Variants in ANAPC10 observed in about 807,000 individuals in gnomAD.
The protein encoded by ANAPC10 is anaphase-promoting complex subunit 10.
In ANAPC10, 12 loss-of-function variants were observed where a neutral mutation model predicts 22.0. That is an observed-to-expected ratio of 0.55 (90% CI 0.35 to 0.88). The LOEUF (loss-of-function observed/expected upper bound fraction) is 0.88. Among genes scored for constraint, ANAPC10 ranks in the 40% least tolerant of loss-of-function variants. ANAPC10 has a pLI of 0.01. For missense variants in ANAPC10, 188 were observed against 220.9 expected (o/e 0.85, Z 0.94); for synonymous variants, 65 against 69.5 (o/e 0.94, Z 0.32).
Position 145,010,551 on chromosome 4 carries a change from T to C in ANAPC10, c.328-14948A>G, listed in dbSNP as rs773717503. ...ACATGCATGAAGGTGAAAATCATCATTCTGAGCAAACTATCGCAAAGACAG... is the reference window on the plus strand; with the variant it reads ...ACATGCATGAAGGTGAAAATCATCACTCTGAGCAAACTATCGCAAAGACAG... On this transcript the variant is annotated intron_variant, in intron 4 of 4. Coordinates refer to ENST00000507656, the MANE Select transcript of ANAPC10 (RefSeq NM_001256706.2). 2.8e-4 allele frequency among the ~76,000 whole-genome samples: 43 copies of C among 152,250 alleles called. 1 individual carries two copies. The Middle Eastern group carries it at 0.02, about 72-fold the overall frequency.
intron 1 of ANAPC10, chr4:145,097,256 C>T (rs1483870125): frequency 2.8e-6 from 1 of 353,636 alleles, no homozygotes; most frequent in Non-Finnish European, 5.5e-6. Context: ...TATGCTCTTA[C>T]CATAGAAGAT....
At chr4:145,008,864 A>C (rs1046974762) in intron 4 of ANAPC10, among the ~76,000 whole-genome samples, 2 of 152,136 alleles carry the variant, frequency 1.3e-5, no homozygotes, top group African/African-American at 4.8e-5. Context: ...AAAAGAAATA[A>C]AGGGCATTCA....
At chr4:145,095,226 T>C (rs1046498748) in intron 2 of ANAPC10, among the ~76,000 whole-genome samples, 2 of 152,244 alleles carry the variant, frequency 1.3e-5, no homozygotes, top group African/African-American at 4.8e-5. Flanking sequence ...CAGTTTCAGT[T>C]ACCCTTGGTC....
chr4:145,022,281 A>G (rs1209705427), intron 4 of ANAPC10, among the ~76,000 whole-genome samples: 1 of 152,194 alleles, frequency 6.6e-6, no homozygotes, highest in Non-Finnish European at 1.5e-5. Flanking sequence ...ACAAGTGGAT[A>G]AAGAAACTGT....
chr4:145,078,279 CA>C (rs1203635159), intron 3 of ANAPC10, among the ~76,000 whole-genome samples: 40 of 140,792 alleles, frequency 2.8e-4, no homozygotes, highest in Admixed American at 3.5e-4. Context: ...AAAACAGCCA[CA>C]AAAAAAAAAA....
intron 2 of ANAPC10, among the ~76,000 whole-genome samples, chr4:145,089,743 C>G (rs1003501013): frequency 6.6e-6 from 1 of 152,200 alleles, no homozygotes; most frequent in African/African-American, 2.4e-5. Context: ...AAATCTGTAT[C>G]TCCCAAAGAC....
In ANAPC10 at chr4:144,994,633, G is replaced by C. The variant is rs1410024935; in HGVS notation, c.*740C>G. 6.6e-6 allele frequency: 1 copy of C among 151,784 alleles called. No individual in the cohort carries two copies. The highest frequency in any genetic ancestry group is 1.5e-5 in the Non-Finnish European group (1 of 67,882). The allele number at this position is 151,784 out of a possible 1,614,324, so 9.4% of individuals were successfully genotyped here. On this transcript the variant is annotated 3_prime_UTR_variant, in exon 5 of 5. Coordinates refer to ENST00000507656, the MANE Select transcript of ANAPC10 (RefSeq NM_001256706.2). ...TTTCACATACTTTTACGATTTTATG[G>C]GATATATGACTGCCCAGGGAATGCT...
At chr4:145,081,415 A>G (rs932388237) in intron 3 of ANAPC10, 6 of 297,752 alleles carry the variant, frequency 2.0e-5, no homozygotes, top group East Asian at 2.0e-4. Flanking sequence ...TGAAAAGTAT[A>G]TTTGAGAAAC....
chr4:145,009,207 T>A (rs978345664), intron 4 of ANAPC10, among the ~76,000 whole-genome samples: 1 of 152,012 alleles, frequency 6.6e-6, no homozygotes, highest in Non-Finnish European at 1.5e-5. Flanking sequence ...GGAAGAACAT[T>A]CCATGCTCAT....
At chr4:145,007,218 T>C (rs1204985958) in intron 4 of ANAPC10, among the ~76,000 whole-genome samples, 1 of 152,068 alleles carries the variant, frequency 6.6e-6, no homozygotes, top group African/African-American at 2.4e-5. Context: ...ACTGTCAATA[T>C]TAGACACATC....
intron 2 of ANAPC10, among the ~76,000 whole-genome samples, chr4:145,084,947 G>A (rs1479947177): frequency 6.6e-6 from 1 of 152,042 alleles, no homozygotes; most frequent in Admixed American, 6.6e-5. Flanking sequence ...CATGAAACTT[G>A]TATATATATT....
At chr4:145,055,958 G>C (rs1742008307) in intron 4 of ANAPC10, among the ~76,000 whole-genome samples, 1 of 152,190 alleles carries the variant, frequency 6.6e-6, no homozygotes, top group Non-Finnish European at 1.5e-5. Context: ...GTCTGAGACA[G>C]GGAATCTGAT....
chr4:145,043,737 T>C (rs1309386709), intron 4 of ANAPC10, among the ~76,000 whole-genome samples: 1 of 152,156 alleles, frequency 6.6e-6, no homozygotes, highest in African/African-American at 2.4e-5. Context: ...AGGAAAGTTA[T>C]CACCCTCCTA....
At chr4:145,047,280 C>T (rs906101126) in intron 4 of ANAPC10, among the ~76,000 whole-genome samples, 5 of 152,082 alleles carry the variant, frequency 3.3e-5, no homozygotes, top group Admixed American at 1.3e-4. Flanking sequence ...AGGTCTCACC[C>T]TTCTGTCCTA....
At chr4:145,077,444 T>C (rs1365346847) in intron 3 of ANAPC10, among the ~76,000 whole-genome samples, 1 of 151,986 alleles carries the variant, frequency 6.6e-6, no homozygotes, top group African/African-American at 2.4e-5. Flanking sequence ...CCCCAGAGTA[T>C]ATGAAAGAGC....
intron 4 of ANAPC10, among the ~76,000 whole-genome samples, chr4:145,031,370 C>A (rs914243822): frequency 4.6e-5 from 7 of 152,170 alleles, no homozygotes; most frequent in Admixed American, 4.6e-4. Flanking sequence ...CCGTCGACCT[C>A]AGTAAAATTT....
intron 4 of ANAPC10, among the ~76,000 whole-genome samples, chr4:145,054,684 CTG>C (rs1273700288): frequency 7.2e-6 from 1 of 138,878 alleles, no homozygotes; most frequent in Non-Finnish European, 1.6e-5. Context: ...GTGTGTGTGC[CTG>C]TGTGTGTGCC....
At chr4:145,045,746 A>G (rs1740203200) in intron 4 of ANAPC10, among the ~76,000 whole-genome samples, 1 of 152,068 alleles carries the variant, frequency 6.6e-6, no homozygotes, top group Non-Finnish European at 1.5e-5. Flanking sequence ...GTCACACGTC[A>G]ATACTCCTGA....
chr4:145,075,038 C>T (rs959440399), intron 3 of ANAPC10, among the ~76,000 whole-genome samples: 1 of 152,062 alleles, frequency 6.6e-6, no homozygotes, highest in Non-Finnish European at 1.5e-5. Context: ...TCTGCCTACT[C>T]CCTTCTGAGC....
Sources: allele counts gnomAD v4.1 joint callset (sites outside exome capture counted in the v4.1 genomes callset), GRCh38; gene constraint gnomAD v4.1.1; transcripts MANE v1.5; gene names NCBI Gene and HGNC (gene_info 2026-07-23, HGNC 2026-07-21).